DIAPH2: variants seen among roughly 807,000 people sequenced by gnomAD.
DIAPH2 encodes the protein protein diaphanous homolog 2.
DIAPH2 carries 35 observed loss-of-function variants against 92.7 expected under a neutral mutation model. The observed-to-expected ratio is 0.38, with a 90% confidence interval of 0.29 to 0.50. The LOEUF (loss-of-function observed/expected upper bound fraction) is 0.50, where lower values mean the gene tolerates loss of function less well. DIAPH2 is among the 20% of genes least tolerant of loss of function. The pLI is 0.94. For missense variants in DIAPH2, 701 were observed against 819.5 expected (o/e 0.86, Z 1.77); for synonymous variants, 301 against 280.4 (o/e 1.07, Z -0.73).
At chrX:97,368,110 G>A (rs987425072) in intron 24 of DIAPH2, among the ~76,000 whole-genome samples, 12 of 112,332 alleles carry the variant, frequency 1.1e-4, no homozygotes, top group African/African-American at 3.6e-4. Context: ...AGAGAAAGTA[G>A]TTTCATAACT....
intron 12 of DIAPH2, among the ~76,000 whole-genome samples, chrX:96,939,792 G>T (rs2065691661): frequency 2.6e-5 from 2 of 76,570 alleles, no homozygotes; most frequent in Admixed American, 2.7e-4. Context: ...AGCCTCCCGT[G>T]TAGCTGGGAC....
intron 22 of DIAPH2, among the ~76,000 whole-genome samples, chrX:97,147,561 T>C (rs977734677): frequency 5.4e-5 from 6 of 111,017 alleles, no homozygotes; most frequent in Non-Finnish European, 9.4e-5. Context: ...ATAGGTTGAC[T>C]CCAGGTTTTA....
chrX:97,561,085 C>T (rs778751604), intron 26 of DIAPH2, among the ~76,000 whole-genome samples: 2 of 111,911 alleles, frequency 1.8e-5, no homozygotes, highest in South Asian at 3.8e-4. Context: ...TATTGGATAT[C>T]GCTTTGACCC....
chrX:97,051,497 C>G (rs1177697329), intron 17 of DIAPH2, among the ~76,000 whole-genome samples: 3 of 98,217 alleles, frequency 3.1e-5, no homozygotes, highest in African/African-American at 1.1e-4. Flanking sequence ...TGATATATAA[C>G]TGTCTTGCTT....
chrX:97,143,171 C>T (rs1270142121), intron 22 of DIAPH2, among the ~76,000 whole-genome samples: 1 of 111,093 alleles, frequency 9.0e-6, no homozygotes, highest in East Asian at 2.8e-4. Context: ...GGTAATAGCT[C>T]TTCTAAAGAA....
chrX:96,693,482 T>C (rs1352609867), intron 1 of DIAPH2, among the ~76,000 whole-genome samples: 2 of 112,304 alleles, frequency 1.8e-5, no homozygotes, highest in Non-Finnish European at 3.8e-5. Flanking sequence ...TATATGTAGA[T>C]AGGAAGACCT....
chrX:96,846,665 C>T (rs769014306), intron 4 of DIAPH2, among the ~76,000 whole-genome samples: 2 of 111,319 alleles, frequency 1.8e-5, no homozygotes, highest in South Asian at 3.7e-4. Flanking sequence ...ACTGCAGAAT[C>T]TTCTGGCTGA....
At chrX:97,191,226 G>A (rs1471867099) in intron 22 of DIAPH2, among the ~76,000 whole-genome samples, 3 of 109,081 alleles carry the variant, frequency 2.8e-5, no homozygotes, top group Non-Finnish European at 5.7e-5. Flanking sequence ...TACTTGGGAG[G>A]CTGAGGCAGG....
At chrX:97,244,124 A>T (rs762268211) in intron 22 of DIAPH2, among the ~76,000 whole-genome samples, 1 of 112,088 alleles carries the variant, frequency 8.9e-6, no homozygotes, top group South Asian at 3.7e-4. Flanking sequence ...AATGGTAGAG[A>T]ATTTGGAGTA....
intron 1 of DIAPH2, among the ~76,000 whole-genome samples, chrX:96,685,680 A>T (rs958997020): frequency 1.2e-4 from 13 of 111,919 alleles, no homozygotes; most frequent in Non-Finnish European, 1.9e-4. Flanking sequence ...CAGTCTTTCT[A>T]CTTTACCAGA....
At chrX:96,876,043 C>T (rs1272776697) in intron 4 of DIAPH2, among the ~76,000 whole-genome samples, 1 of 110,839 alleles carries the variant, frequency 9.0e-6, no homozygotes, top group Non-Finnish European at 1.9e-5. Flanking sequence ...CCAGAATCTA[C>T]AAAGAACTCA....
intron 25 of DIAPH2, among the ~76,000 whole-genome samples, chrX:97,392,881 GCCTATTACCAGT>G (rs1445395940): frequency 9.0e-6 from 1 of 111,363 alleles, no homozygotes; most frequent in African/African-American, 3.3e-5. Context: ...ATGGCATTTG[GCCTATTACCAGT>G]CCCTGATAGT....
intron 19 of DIAPH2, among the ~76,000 whole-genome samples, chrX:97,086,946 G>C (rs927891225): frequency 1.8e-5 from 2 of 111,216 alleles, no homozygotes; most frequent in African/African-American, 6.5e-5. Flanking sequence ...ATAAAAAGTA[G>C]TAACAGAAAG....
chrX:97,030,762 T>TTTAAGTG (rs767327480), intron 17 of DIAPH2, among the ~76,000 whole-genome samples: 105 of 111,947 alleles, frequency 9.4e-4, no homozygotes, highest in African/African-American at 3.3e-3. Flanking sequence ...CAGTTTCATT[T>TTTAAGTG]TTAAGTGGAA....
intron 4 of DIAPH2, among the ~76,000 whole-genome samples, chrX:96,775,373 G>A (rs2064370346): frequency 1.8e-5 from 2 of 108,303 alleles, no homozygotes; most frequent in Admixed American, 2.0e-4. Flanking sequence ...GTGTGTGTGT[G>A]TGTGTGTGTG....
intron 1 of DIAPH2, among the ~76,000 whole-genome samples, chrX:96,699,061 C>T (rs1751887626): frequency 9.0e-6 from 1 of 110,944 alleles, no homozygotes; most frequent in Non-Finnish European, 1.9e-5. Flanking sequence ...CTAATATTTC[C>T]ATATTGGTTC....
At chrX:97,443,295 T>C (rs1429510121) in intron 26 of DIAPH2, among the ~76,000 whole-genome samples, 1 of 112,035 alleles carries the variant, frequency 8.9e-6, no homozygotes, top group Non-Finnish European at 1.9e-5. Context: ...CCTCACCTAT[T>C]CCGGGAAGCC....
intron 25 of DIAPH2, among the ~76,000 whole-genome samples, chrX:97,401,058 G>A (rs1007036361): frequency 1.8e-5 from 2 of 109,454 alleles, no homozygotes; most frequent in Non-Finnish European, 3.8e-5. Context: ...TTCTTTTTTA[G>A]CATTTCAGAG....
At chrX:97,539,398 A>T (rs2071122676) in intron 26 of DIAPH2, among the ~76,000 whole-genome samples, 1 of 112,170 alleles carries the variant, frequency 8.9e-6, no homozygotes, top group South Asian at 3.7e-4. Flanking sequence ...TCTTTTCTTG[A>T]TACCGACCTT....
Sources: gnomAD v4.1 joint callset for allele counts (sites outside exome capture counted in the v4.1 genomes callset) on GRCh38, gnomAD v4.1.1 for gene constraint, MANE v1.5 for transcripts, NCBI Gene and HGNC (gene_info 2026-07-23, HGNC 2026-07-21) for gene names.